Variants in SPNS2 observed in about 807,000 individuals in gnomAD.
SPNS2 encodes sphingosine-1-phosphate transporter SPNS2.
In SPNS2, 37 loss-of-function variants were observed where a neutral mutation model predicts 57.6. The observed-to-expected ratio is 0.64, with a 90% CI of 0.49 to 0.85. SPNS2 has a LOEUF of 0.85. SPNS2 is among the 40% of genes least tolerant of loss of function. The probability of loss-of-function intolerance (pLI) is 0.00; values close to 1 mark genes in which losing one functional copy is unlikely to be tolerated. For missense variants in SPNS2, 831 were observed against 779.1 expected (o/e 1.07, Z -0.79); for synonymous variants, 440 against 346.9 (o/e 1.27, Z -2.98).
Position 4,538,552 on chromosome 17 carries a change from C to T in SPNS2, c.*1104C>T, listed in dbSNP as rs745866685. Reference sequence around the variant, plus strand: ...GCTGCCAACTTCACACCAGCCCCAACCCGCTTTGGGGGAGCTTAGCCCCCT... The same window carrying T: ...GCTGCCAACTTCACACCAGCCCCAATCCGCTTTGGGGGAGCTTAGCCCCCT... On this transcript the variant is annotated 3_prime_UTR_variant, in exon 13 of 13. Transcript: ENST00000329078. The T allele has an allele frequency of 2.9e-6, 1 of 342,318 alleles. No individual in the cohort carries two copies. Among genetic ancestry groups the T allele is most frequent in the Non-Finnish European group, 5.5e-6 (1 of 183,188 alleles). 21.2% of individuals were successfully genotyped at this position (342,318 alleles called of 1,614,324 possible).
chr17:4,526,825 C>T (rs1905273340), intron 3 of SPNS2, among the ~76,000 whole-genome samples: 1 of 152,096 alleles, frequency 6.6e-6, no homozygotes, highest in African/African-American at 2.4e-5. Flanking sequence ...AGCAGGTTTG[C>T]CAAGGACATC....
intron 2 of SPNS2, among the ~76,000 whole-genome samples, chr17:4,514,335 G>A (rs1013992064): frequency 2.0e-5 from 3 of 152,188 alleles, no homozygotes; most frequent in African/African-American, 7.2e-5. Context: ...AGTCCAGTCG[G>A]TGAACCCCTT....
intron 2 of SPNS2, among the ~76,000 whole-genome samples, chr17:4,515,708 C>T (rs1386110075): frequency 2.6e-5 from 4 of 152,258 alleles, no homozygotes; most frequent in Admixed American, 2.0e-4. Context: ...CCGATAAGGT[C>T]GGAGCCAGGT....
At chr17:4,534,220 C>G (rs1475908246) in intron 9 of SPNS2, among the ~76,000 whole-genome samples, 1 of 152,154 alleles carries the variant, frequency 6.6e-6, no homozygotes, top group East Asian at 1.9e-4. Flanking sequence ...TCTACTCAGC[C>G]TGGCTCCCAG....
chr17:4,536,418 T>C lies in SPNS2; in HGVS notation c.1599T>C (p.Ala533=), dbSNP rs763060139. 6.3e-7 allele frequency: 1 copy of C among 1,580,808 alleles called. No individual in the cohort carries two copies. Among genetic ancestry groups the C allele is most frequent in the South Asian group, 1.1e-5 (1 of 89,898 alleles). ...ALFFVSDRAR[A]EQQVNQLAMP... is the part of the protein sequence containing the mutation. ...TCTTCGTCAGCGACCGCGCCAGGGC[T>C]GAGCAGCAGTGAGTGGGGGGGAGGG... Residue 533 remains alanine (A), a synonymous_variant, in exon 11 of 13, where the codon GCT becomes GCC. Transcript: ENST00000329078.
chr17:4,536,439 G>A lies in SPNS2; in HGVS notation c.1607+13G>A, dbSNP rs898173916. 2.8e-5 allele frequency: 45 copies of A among 1,582,928 alleles called. No individual in the cohort carries two copies. Among genetic ancestry groups the A allele is most frequent in the Admixed American group, 1.2e-4 (7 of 59,646 alleles). On this transcript the variant is annotated intron_variant, in intron 11 of 12. Coordinates refer to ENST00000329078, the MANE Select transcript of SPNS2 (RefSeq NM_001124758.3). ...GGGCTGAGCAGCAGTGAGTGGGGGG[G>A]AGGGGAGGCCCTGCTGCACCGCCGG...
chr17:4,537,001 G>C, intron 12 of SPNS2, 55 bp downstream of exon 12: 1 of 1,594,098 alleles, frequency 6.3e-7, no homozygotes, highest in South Asian at 1.1e-5. Flanking sequence ...GGAAGGCCAG[G>C]GTTAGGCAAC....
At chr17:4,518,103 G>A (rs1005779346) in intron 2 of SPNS2, among the ~76,000 whole-genome samples, 3 of 152,246 alleles carry the variant, frequency 2.0e-5, no homozygotes, top group Non-Finnish European at 2.9e-5. Flanking sequence ...GAGAACAGAA[G>A]GAGAAGAGGC....
intron 2 of SPNS2, among the ~76,000 whole-genome samples, chr17:4,524,483 A>G (rs1905216028): frequency 6.6e-6 from 1 of 152,202 alleles, no homozygotes; most frequent in African/African-American, 2.4e-5. Flanking sequence ...CCAGGAGTTC[A>G]AGACTAGCCT....
chr17:4,502,794 T>C (rs1052977205), intron 1 of SPNS2, among the ~76,000 whole-genome samples: 1 of 152,144 alleles, frequency 6.6e-6, no homozygotes, highest in Non-Finnish European at 1.5e-5. Context: ...TCCTGGGATT[T>C]TTGTTGTTGT....
At chr17:4,532,071 T>G (rs1201120087) in intron 5 of SPNS2, among the ~76,000 whole-genome samples, 2 of 152,198 alleles carry the variant, frequency 1.3e-5, no homozygotes, top group Admixed American at 6.5e-5. Context: ...CATCATCCCA[T>G]CTGGCTATCT....
At chr17:4,516,678 T>C (rs1905005404) in intron 2 of SPNS2, among the ~76,000 whole-genome samples, 1 of 152,190 alleles carries the variant, frequency 6.6e-6, no homozygotes, top group Middle Eastern at 3.2e-3. Flanking sequence ...AGTCAGTGTG[T>C]GAGATCGAGT....
chr17:4,510,805 G>A lies in SPNS2; in HGVS notation c.371-2442G>A, dbSNP rs952999409. ...GGAGGATGAAGAAACATTCACCCAC[G>A]TGTAAAGTCCCTGTGGGTTATGTGT... On this transcript the variant is annotated intron_variant, in intron 1 of 12. Transcript: ENST00000329078. This position sits in a 1 kb window ranked among gnomAD's most constrained non-coding sequence, Gnocchi z 4.4. 6.6e-6 allele frequency among the ~76,000 whole-genome samples: 1 copy of A among 152,184 alleles called. No individual in the cohort carries two copies. Among genetic ancestry groups the A allele is most frequent in the Non-Finnish European group, 1.5e-5 (1 of 68,038 alleles).
intron 2 of SPNS2, among the ~76,000 whole-genome samples, chr17:4,522,838 A>G (rs928629724): frequency 1.3e-5 from 2 of 152,232 alleles, no homozygotes; most frequent in African/African-American, 2.4e-5. Flanking sequence ...GGGACCTCCA[A>G]GGCCCCTCCC....
At chr17:4,517,717 A>G (rs566090957) in intron 2 of SPNS2, among the ~76,000 whole-genome samples, 1 of 152,288 alleles carries the variant, frequency 6.6e-6, no homozygotes, top group East Asian at 1.9e-4. Flanking sequence ...GAGTCAGCTG[A>G]CCCTGAAGAT....
intron 3 of SPNS2, among the ~76,000 whole-genome samples, chr17:4,526,533 G>C (rs1172695965): frequency 6.6e-6 from 1 of 151,804 alleles, no homozygotes; most frequent in Non-Finnish European, 1.5e-5. Context: ...AACCTCGAAG[G>C]CAGAGGTTGC....
intron 2 of SPNS2, among the ~76,000 whole-genome samples, chr17:4,522,327 C>T (rs750106882): frequency 4.6e-5 from 7 of 152,190 alleles, no homozygotes; most frequent in Non-Finnish European, 7.3e-5. Flanking sequence ...CTGAGGTCAC[C>T]GGCTGGGAAG....
At chr17:4,533,617 A>G in intron 8 of SPNS2, 171 bp from the exon 9 acceptor site, 1 of 1,003,244 alleles carries the variant, frequency 1.0e-6, no homozygotes, top group African/African-American at 1.6e-5. Flanking sequence ...TGGGTGCCTC[A>G]GGGCCGTGGG....
In SPNS2 at chr17:4,535,981, G is replaced by A. The variant is rs1052870997; in HGVS notation, c.1345-95G>A. ...AGACGTAGGGCAGGAGTGAGTCTGAGGGTGTGGGGGCTTCAGAAGTGCCAC... is the reference window on the plus strand; with the variant it reads ...AGACGTAGGGCAGGAGTGAGTCTGAAGGTGTGGGGGCTTCAGAAGTGCCAC... On this transcript the variant is annotated intron_variant, in intron 9 of 12. Coordinates refer to ENST00000329078, the MANE Select transcript of SPNS2 (RefSeq NM_001124758.3). 1.5e-5 allele frequency: 15 copies of A among 999,298 alleles called. No individual in the cohort carries two copies. The African/African-American group carries it at 1.8e-4, about 12-fold the overall frequency. 61.9% of individuals were successfully genotyped at this position (999,298 alleles called of 1,614,324 possible).
Sources: gnomAD v4.1 joint callset for allele counts (sites outside exome capture counted in the v4.1 genomes callset) on GRCh38, gnomAD v4.1.1 for gene constraint, Gnocchi (gnomAD v3.1) non-coding constraint, MANE v1.5 for transcripts, NCBI Gene and HGNC (gene_info 2026-07-23, HGNC 2026-07-21) for gene names.